The following RPL5 variants were observed in gnomAD, a reference collection of about 807,000 sequenced individuals.
RPL5 encodes the protein large ribosomal subunit protein uL18.
In RPL5, 1 loss-of-function variant was observed where a neutral mutation model predicts 38.4. That is an observed-to-expected ratio of 0.03 (90% CI 0.01 to 0.12). The LOEUF (loss-of-function observed/expected upper bound fraction) is 0.12. Among genes scored for constraint, RPL5 ranks in the 10% least tolerant of loss-of-function variants. The probability of loss-of-function intolerance (pLI) is 1.00; values close to 1 mark genes in which losing one functional copy is unlikely to be tolerated. For synonymous variants in RPL5, 109 were observed against 121.2 expected, an observed-to-expected ratio of 0.90 and a Z score of 0.66; for missense variants, 243 against 374.1, an observed-to-expected ratio of 0.65 and a Z score of 2.89.
chr1:92,834,729 T>G (rs1268489462), intron 3 of RPL5, 50 bp from the exon 4 acceptor site: 1 of 1,608,862 alleles, frequency 6.2e-7, no homozygotes, highest in Non-Finnish European at 8.5e-7. Flanking sequence ...TAAGATGTAG[T>G]AAGACAGTGA....
intron 1 of RPL5, 153 bp downstream of exon 1, chr1:92,832,270 C>G: frequency 8.0e-7 from 1 of 1,248,334 alleles, no homozygotes. Flanking sequence ...CCCAGCGTGG[C>G]CTTAAATGGC....
At chr1:92,839,726 C>T (rs1443473265) in intron 6 of RPL5, among the ~76,000 whole-genome samples, 4 of 152,130 alleles carry the variant, frequency 2.6e-5, no homozygotes, top group African/African-American at 9.7e-5. Context: ...CTAGGTCAGA[C>T]AGTATTTAAA....
chr1:92,838,925 C>T (rs1687227643), intron 6 of RPL5, among the ~76,000 whole-genome samples: 1 of 151,734 alleles, frequency 6.6e-6, no homozygotes, highest in Non-Finnish European at 1.5e-5. Flanking sequence ...TATGCAAATG[C>T]ATGTAGTAAT....
chr1:92,840,833 T>G (rs745442620), intron 7 of RPL5, 194 bp downstream of exon 7: 1 of 707,714 alleles, frequency 1.4e-6, no homozygotes, highest in Non-Finnish European at 2.6e-6. Flanking sequence ...GAGGTGGTTC[T>G]TTCTATCCTA....
rs144568160 is a variant in RPL5, at chr1:92,840,271, A to G, written c.706-280A>G. 1.9e-3 allele frequency: 718 copies of G among 384,934 alleles called. 5 individuals are homozygous for G. Among genetic ancestry groups the G allele is most frequent in the African/African-American group, 0.014 (675 of 47,988 alleles). The allele number at this position is 384,934 out of a possible 1,614,324, so 23.8% of individuals were successfully genotyped here. ...AGTGATCCTCCCACTTCAGACTCCCAAAGTGCTTGAGATTACAGGCATGAA... is the reference window on the plus strand; with the variant it reads ...AGTGATCCTCCCACTTCAGACTCCCGAAGTGCTTGAGATTACAGGCATGAA... On this transcript the variant is annotated intron_variant, in intron 6 of 7. Transcript: ENST00000370321.
intron 7 of RPL5, 137 bp from the exon 8 acceptor site, chr1:92,841,629 G>C (rs1327827728): frequency 1.9e-6 from 1 of 520,140 alleles, no homozygotes; most frequent in African/African-American, 2.0e-5. Flanking sequence ...AAATGTATTT[G>C]AACTTGGATT....
At chr1:92,835,641 CAA>C (rs925747317) in intron 4 of RPL5, among the ~76,000 whole-genome samples, 1 of 107,242 alleles carries the variant, frequency 9.3e-6, no homozygotes, top group African/African-American at 3.7e-5. Flanking sequence ...GCCTGGGCAA[CAA>C]GAGCGAAACT....
intron 4 of RPL5, among the ~76,000 whole-genome samples, chr1:92,835,660 CAA>C (rs11417383): frequency 8.7e-4 from 107 of 123,362 alleles, no homozygotes; most frequent in African/African-American, 2.6e-3. Flanking sequence ...AACTGTGTCT[CAA>C]AAAAAAAAAA....
At chr1:92,839,032 T>C (rs1267083732) in intron 6 of RPL5, among the ~76,000 whole-genome samples, 1 of 64,704 alleles carries the variant, frequency 1.5e-5, no homozygotes, top group Admixed American at 1.7e-4. Context: ...GAGTTGCAGC[T>C]TTTTTTTTTT....
chr1:92,839,677 ATCT>A (rs1335020208), intron 6 of RPL5, among the ~76,000 whole-genome samples: 1 of 152,226 alleles, frequency 6.6e-6, no homozygotes, highest in Non-Finnish European at 1.5e-5. Context: ...TCATCTTAAT[ATCT>A]TAATACTTTT....
intron 4 of RPL5, 82 bp from the exon 5 acceptor site, chr1:92,836,108 C>T: frequency 2.3e-6 from 3 of 1,315,744 alleles, no homozygotes; most frequent in Non-Finnish European, 2.2e-6. Context: ...GTCAGTGGTC[C>T]TTACGGTTAT....
Position 92,837,555 on chromosome 1 carries a change from C to A in RPL5, c.627C>A (p.Arg209=). ...GCCAGAATGTTGCAGATTACATGCG[C>A]TACTTAATGGAAGAAGATGAAGATG... is the stretch of plus-strand genomic sequence containing the variant. ...IMGQNVADYM[R]YLMEEDEDAY... The change falls in exon 6 of 8, where the codon CGC becomes CGA. Residue 209 remains arginine, a synonymous_variant. Coordinates refer to ENST00000370321, the MANE Select transcript of RPL5 (RefSeq NM_000969.5). 1.9e-6 allele frequency: 3 copies of A among 1,612,012 alleles called. No homozygotes were observed. The highest frequency in any genetic ancestry group is 2.5e-6 in the Non-Finnish European group (3 of 1,179,750).
Position 92,832,087 on chromosome 1 carries a change from C to G in RPL5, c.-28C>G. The G allele has an allele frequency of 6.2e-7, 1 of 1,613,942 alleles. No individual in the cohort carries two copies. The highest frequency in any genetic ancestry group is 8.5e-7 in the Non-Finnish European group (1 of 1,179,918). On this transcript the variant is annotated 5_prime_UTR_variant, in exon 1 of 8. Coordinates refer to ENST00000370321, the MANE Select transcript of RPL5 (RefSeq NM_000969.5). ...GCTGGGCCTGCAGGTCTCTGTCGAG[C>G]AGCGGACGCCGGTCTCTGTTCCGCA...
Position 92,837,492 on chromosome 1 carries a change from G to A in RPL5, c.564G>A (p.Lys188=). The A allele has an allele frequency of 3.1e-6, 5 of 1,613,126 alleles. No individual in the cohort carries two copies. Among genetic ancestry groups the A allele is most frequent in the South Asian group, 1.1e-5 (1 of 91,026 alleles). The change falls in exon 6 of 8, where the codon AAG becomes AAA. Residue 188 remains lysine (K), a synonymous_variant. Transcript: ENST00000370321. The stretch of plus-strand genomic sequence containing the variant: ...TCCCTGGTTATGATTCTGAAAGCAA[G>A]GAATTTAATGCAGAAGTACATCGGA... ...KRFPGYDSES[K]EFNAEVHRKH...
At chr1:92,840,311 C>G in intron 6 of RPL5, 1 of 456,464 alleles carries the variant, frequency 2.2e-6, no homozygotes, top group Non-Finnish European at 4.0e-6. Context: ...CACACCTGGC[C>G]TGATTTTTTT....
chr1:92,840,725 A>G, intron 7 of RPL5, 86 bp downstream of exon 7: 3 of 945,146 alleles, frequency 3.2e-6, no homozygotes, highest in Non-Finnish European at 5.1e-6. Flanking sequence ...AATTGTGCAA[A>G]CTCGATCACT....
intron 5 of RPL5, chr1:92,837,156 A>G (rs1687162314): frequency 4.0e-6 from 2 of 496,076 alleles, no homozygotes; most frequent in Non-Finnish European, 7.5e-6. Flanking sequence ...GATTTAGAGT[A>G]TAAGTTTTGA....
chr1:92,835,296 T>C (rs1687074414), intron 4 of RPL5: 1 of 328,272 alleles, frequency 3.0e-6, no homozygotes, highest in Non-Finnish European at 5.9e-6. Context: ...GGAACTCCAC[T>C]CTAGACCTTC....
chr1:92,837,162 T>A, intron 5 of RPL5: 1 of 513,736 alleles, frequency 1.9e-6, no homozygotes, highest in Non-Finnish European at 3.6e-6. Flanking sequence ...GAGTATAAGT[T>A]TTGAAACTCC....
Sources: gnomAD v4.1 joint callset for allele counts (sites outside exome capture counted in the v4.1 genomes callset) on GRCh38, gnomAD v4.1.1 for gene constraint, MANE v1.5 for transcripts, NCBI Gene and HGNC (gene_info 2026-07-23, HGNC 2026-07-21) for gene names.